The following SEMA4C variants were observed in gnomAD, a reference collection of about 807,000 sequenced individuals.
SEMA4C encodes the protein semaphorin 4C.
Under a neutral mutation model 89.0 loss-of-function variants are expected in SEMA4C, and 19 were observed. The observed-to-expected ratio is 0.21, with a 90% CI of 0.15 to 0.31. SEMA4C has a LOEUF of 0.31. Among genes scored for constraint, SEMA4C ranks in the 10% least tolerant of loss-of-function variants. The pLI is 1.00. For synonymous variants in SEMA4C, 428 were observed against 472.7 expected (o/e 0.91, Z 1.23); for missense variants, 811 against 1,107.0 (o/e 0.73, Z 3.79).
In SEMA4C at chr2:96,861,962, A is replaced by G; in HGVS notation, c.1444-68T>C. On this transcript the variant is annotated intron_variant, in intron 12 of 14. Transcript: ENST00000305476. This position sits in a 1 kb window ranked among gnomAD's most constrained non-coding sequence, Gnocchi z 7.8. Reference sequence around the variant, plus strand: ...ACACCACGGGAGGGGCGGCCGGACCAGAACGCAGCATGGGGACAGCTTGGA... The same window carrying G: ...ACACCACGGGAGGGGCGGCCGGACCGGAACGCAGCATGGGGACAGCTTGGA... The G allele has an allele frequency of 1.3e-6, 2 of 1,515,514 alleles. No homozygotes were observed. The highest frequency in any genetic ancestry group is 2.4e-5 in the East Asian group (1 of 41,140). The allele number at this position is 1,515,514 out of a possible 1,614,324, so 93.9% of individuals were successfully genotyped here.
chr2:96,861,210 C>T lies in SEMA4C; in HGVS notation c.1918G>A (p.Gly640Ser), dbSNP rs752677019. ...CCTGCCACGACAGCCACAAGGTAGC[C>T]TTCAGCAGCCAGCCGCGCCCCCTGC... Reference protein sequence around the residue: ...EEQGARLAAEGYLVAVVAGPS... With the variant: ...EEQGARLAAESYLVAVVAGPS... Residue 640 changes from glycine to serine, a missense_variant, in exon 15 of 15, where the codon GGC becomes AGC. Transcript: ENST00000305476. This position sits in a 1 kb window ranked among gnomAD's most constrained non-coding sequence, Gnocchi z 7.8. 1 of 1,610,618 alleles carries T rather than the reference C, an allele frequency of 6.2e-7. No homozygotes were observed. Among genetic ancestry groups the T allele is most frequent in the Non-Finnish European group, 8.5e-7 (1 of 1,179,734 alleles).
intron 2 of SEMA4C, 44 bp downstream of exon 2, chr2:96,867,734 A>G: frequency 1.9e-6 from 3 of 1,585,974 alleles, no homozygotes; most frequent in Non-Finnish European, 2.6e-6. Flanking sequence ...GCAACTCCTC[A>G]GCAGCCTGTC....
At chr2:96,870,654 G>T (rs1303638504), upstream of SEMA4C, 4 of 985,370 alleles carry the variant, frequency 4.1e-6, no homozygotes, top group Non-Finnish European at 2.4e-6. Context: ...TCAATCAACA[G>T]AAAGGGCCTG....
chr2:96,869,088 G>C (rs1012157894), intron 1 of SEMA4C: 1 of 985,240 alleles, frequency 1.0e-6, no homozygotes, highest in African/African-American at 1.7e-5. Flanking sequence ...CCCGGCCTGC[G>C]GACGCCCCCT....
At chr2:96,866,452 G>A in intron 2 of SEMA4C, 21 bp from the exon 3 acceptor site, 1 of 1,613,790 alleles carries the variant, frequency 6.2e-7, no homozygotes, top group South Asian at 1.1e-5. Context: ...AAGCATGGCT[G>A]CTGATGGGCA....
At position 96,860,823 on chromosome 2, in the gene SEMA4C, G is replaced by A; in HGVS notation, c.2305C>T (p.Pro769Ser). The A allele has an allele frequency of 1.2e-6, 2 of 1,613,504 alleles. No homozygotes were observed. Among genetic ancestry groups the A allele is most frequent in the South Asian group, 2.2e-5 (2 of 91,086 alleles). The change falls in exon 15 of 15, where the codon CCT becomes TCT. Residue 769 changes from proline to serine, a missense_variant. Pro to Ser is a moderately conservative substitution (Grantham distance 74, BLOSUM62 -1). Coordinates refer to ENST00000305476, the MANE Select transcript of SEMA4C (RefSeq NM_017789.5). ...TGAAGCCGAGTTGGAGAAGGCAGAGGCTGGCCTGGGATGCCTGGAGGTGGC... is the reference window on the plus strand; with the variant it reads ...TGAAGCCGAGTTGGAGAAGGCAGAGACTGGCCTGGGATGCCTGGAGGTGGC... The part of the protein sequence containing the change: ...PSPPPGIPGQ[P>S]LPSPTRLHLG...
At chr2:96,868,965 C>G (rs1205272348) in intron 1 of SEMA4C, 2 of 985,242 alleles carry the variant, frequency 2.0e-6, no homozygotes, top group African/African-American at 3.5e-5. Context: ...CCTGCTCACC[C>G]CCAAACAAAG....
In SEMA4C at chr2:96,861,661, T is replaced by C. The variant is rs1331536117; in HGVS notation, c.1602-12A>G. The C allele has an allele frequency of 1.3e-6, 2 of 1,587,476 alleles. No homozygotes were observed. Among genetic ancestry groups the C allele is most frequent in the Admixed American group, 3.4e-5 (2 of 58,432 alleles). Reference sequence around the variant, plus strand: ...GGATCAGTAGAGATCTGGTAGGGGATGTAGGGTACATCAGCAGCCTGGCTC... The same window carrying C: ...GGATCAGTAGAGATCTGGTAGGGGACGTAGGGTACATCAGCAGCCTGGCTC... On this transcript the variant is annotated splice_polypyrimidine_tract_variant and intron_variant, in intron 13 of 14. Transcript: ENST00000305476. The surrounding 1 kb of genome is among the most constrained non-coding windows in gnomAD (Gnocchi z 7.8).
Position 96,870,048 on chromosome 2 carries a change from C to A in SEMA4C, c.-210G>T. ...TCCGCGCCCCTAGGCTCGGGCTCCC[C>A]GCGCCACCACGGCGGGCGCCGGCTC... On this transcript the variant is annotated 5_prime_UTR_variant, in exon 1 of 15. Coordinates refer to ENST00000305476, the MANE Select transcript of SEMA4C (RefSeq NM_017789.5). 1 of 981,134 alleles carries A rather than the reference C, an allele frequency of 1.0e-6. No individual in the cohort carries two copies. The highest frequency in any genetic ancestry group is 1.2e-6 in the Non-Finnish European group (1 of 825,740). 60.8% of individuals were successfully genotyped at this position (981,134 alleles called of 1,614,324 possible).
chr2:96,864,352 C>T lies in SEMA4C; in HGVS notation c.993G>A (p.Glu331=). The part of the protein sequence containing the change: ...WGDMYLSAIC[E]YQLEEIQRVF... Reference sequence around the variant, plus strand: ...CCCGCTGGATCTCTTCCAACTGGTACTCACAGATGGCCGACAGGTACATGT... The same window carrying T: ...CCCGCTGGATCTCTTCCAACTGGTATTCACAGATGGCCGACAGGTACATGT... The change falls in exon 10 of 15, where the codon GAG becomes GAA. Residue 331 remains glutamate (E), a synonymous_variant. Coordinates refer to ENST00000305476, the MANE Select transcript of SEMA4C (RefSeq NM_017789.5). This position sits in a 1 kb window ranked among gnomAD's most constrained non-coding sequence, Gnocchi z 6.3. 3.1e-6 allele frequency: 5 copies of T among 1,613,928 alleles called. No individual in the cohort carries two copies. Among genetic ancestry groups the T allele is most frequent in the Non-Finnish European group, 4.2e-6 (5 of 1,180,008 alleles).
Position 96,860,492 on chromosome 2 carries a change from G to T in SEMA4C, c.*134C>A. The T allele has an allele frequency of 1.3e-6, 1 of 796,660 alleles. No individual in the cohort carries two copies. Among genetic ancestry groups the T allele is most frequent in the Non-Finnish European group, 1.9e-6 (1 of 518,624 alleles). 49.3% of individuals were successfully genotyped at this position (796,660 alleles called of 1,614,324 possible). On this transcript the variant is annotated 3_prime_UTR_variant, in exon 15 of 15. Transcript: ENST00000305476. ...CGTGCTGAGCAGAGCAGGTCCTCAT[G>T]GCCGGGTGGGTGCTGGGCAGTATCT...
intron 2 of SEMA4C, chr2:96,866,829 C>A (rs989245937): frequency 5.0e-5 from 18 of 361,696 alleles, no homozygotes; most frequent in Non-Finnish European, 8.7e-5. Context: ...CTATCAGAGT[C>A]CAGCAGAGCA....
intron 1 of SEMA4C, 36 bp from the exon 2 acceptor site, chr2:96,867,959 C>T: frequency 6.2e-7 from 1 of 1,608,802 alleles, no homozygotes. Context: ...AAATCACAGC[C>T]AGAGAAAGCA....
chr2:96,865,614 G>C (rs1166835931), intron 5 of SEMA4C, 52 bp downstream of exon 5: 2 of 1,597,270 alleles, frequency 1.3e-6, no homozygotes, highest in African/African-American at 2.7e-5. Context: ...GTCCAGAGAA[G>C]GGTGAGGAGG....
In SEMA4C at chr2:96,861,123, C is replaced by A. The variant is rs1209861516; in HGVS notation, c.2005G>T (p.Val669Leu). The change falls in exon 15 of 15, where the codon GTG (valine) becomes TTG (leucine). Residue 669 changes from valine to leucine, a missense_variant. By Grantham distance (32) the Val-to-Leu change is conservative (BLOSUM62 1). Transcript: ENST00000305476. The surrounding 1 kb of genome is among the most constrained non-coding windows in gnomAD (Gnocchi z 7.8). ...LENLGLVWLA[V>L]VALGAVCLVL... The stretch of plus-strand genomic sequence containing the variant: ...AGGCACACAGCCCCCAGGGCCACCA[C>A]CGCCAGCCACACCAGCCCCAGGTTT... 6.2e-7 allele frequency: 1 copy of A among 1,611,746 alleles called. No individual in the cohort carries two copies. Among genetic ancestry groups the A allele is most frequent in the South Asian group, 1.1e-5 (1 of 91,054 alleles).
chr2:96,865,409 TCACCCAGCCTG>T, intron 6 of SEMA4C, 21 bp downstream of exon 6: 2 of 1,611,110 alleles, frequency 1.2e-6, no homozygotes, highest in South Asian at 1.1e-5. Context: ...CCCCAAGGAC[TCACCCAGCCTG>T]CATGGGGGGC....
At position 96,859,730 on chromosome 2, in the gene SEMA4C, G is replaced by T. The variant is rs2079899526; in HGVS notation, c.*896C>A. ...TAGCCCAAACATCTTAGCCCCATCA[G>T]AGCAATCGTTTCATTTTCTCCATTT... On this transcript the variant is annotated 3_prime_UTR_variant, in exon 15 of 15. Coordinates refer to ENST00000305476, the MANE Select transcript of SEMA4C (RefSeq NM_017789.5). 1 of 152,202 alleles carries T rather than the reference G, an allele frequency of 6.6e-6. No individual in the cohort carries two copies. The allele number at this position is 152,202 out of a possible 1,614,324, so 9.4% of individuals were successfully genotyped here.
chr2:96,870,152 G>A, upstream of SEMA4C: 2 of 980,002 alleles, frequency 2.0e-6, no homozygotes, highest in African/African-American at 1.7e-5. Context: ...GCCGGGGGCG[G>A]GCCGCGAAGG....
chr2:96,863,866 C>T lies in SEMA4C; in HGVS notation c.1330+60G>A, dbSNP rs573000206. 3.6e-5 allele frequency: 58 copies of T among 1,600,178 alleles called. No homozygotes were observed. In the African/African-American group the frequency reaches 7.4e-4, roughly 20 times the overall value. On this transcript the variant is annotated intron_variant, in intron 11 of 14. Transcript: ENST00000305476. ...TGGGGCAGCTCCAAATCTCCCTGCC[C>T]TGGGCACACGGGCTTCTGCCCAGCC...
Sources: gnomAD v4.1 joint callset for allele counts on GRCh38, gnomAD v4.1.1 for gene constraint, Gnocchi (gnomAD v3.1) non-coding constraint, MANE v1.5 for transcripts, NCBI Gene and HGNC (gene_info 2026-07-23, HGNC 2026-07-21) for gene names.